RAB3B: variants seen among roughly 807,000 people sequenced by gnomAD.
The protein encoded by RAB3B is ras-related protein Rab-3B.
A neutral mutation model predicts 20.5 loss-of-function variants in RAB3B; 11 were observed. That is an observed-to-expected ratio of 0.54 (90% CI 0.34 to 0.89). The LOEUF is 0.89. Ranked by LOEUF, RAB3B falls within the 40% of genes least tolerant of loss-of-function variation. The pLI is 0.02. For missense variants in RAB3B, 225 were observed against 280.9 expected, an observed-to-expected ratio of 0.80 and a Z score of 1.42; for synonymous variants, 99 against 106.3, an observed-to-expected ratio of 0.93 and a Z score of 0.42.
chr1:51,908,709 A>G lies in RAB3B; in HGVS notation c.*11218T>C, dbSNP rs1683955556. On this transcript the variant is annotated 3_prime_UTR_variant, in exon 5 of 5. Coordinates refer to ENST00000371655, the MANE Select transcript of RAB3B (RefSeq NM_002867.4). ...CCCTCTATCACCCCCAGATAGGTGA[A>G]GTTCAGAATTAGGACTGCCCACTGC... 6.6e-6 allele frequency: 1 copy of G among 151,246 alleles called. No homozygotes were observed. The highest frequency in any genetic ancestry group is 6.6e-5 in the Admixed American group (1 of 15,152). 9.4% of individuals were successfully genotyped at this position (151,246 alleles called of 1,614,324 possible).
chr1:51,976,831 T>C, intron 2 of RAB3B, 59 bp downstream of exon 2: 1 of 1,496,034 alleles, frequency 6.7e-7, no homozygotes, highest in Non-Finnish European at 9.3e-7. Flanking sequence ...CTCTAAGCCC[T>C]TGTACTGGCA....
intron 3 of RAB3B, among the ~76,000 whole-genome samples, chr1:51,936,523 A>G (rs577084111): frequency 6.6e-5 from 10 of 152,188 alleles, no homozygotes; most frequent in Non-Finnish European, 1.3e-4. Flanking sequence ...CACCTATGGG[A>G]CAGAATCCAA....
rs1557957971 is a variant in RAB3B at position 51,912,557 on chromosome 1, ATATAT to A, written c.*7365_*7369del. The stretch of plus-strand genomic sequence containing the variant: ...CCGTCTCTATTAAAAAAAAAAAAAT[ATATAT>A]ATATATATATATATATATATATATA... On this transcript the variant is annotated 3_prime_UTR_variant, in exon 5 of 5. Transcript: ENST00000371655. The A allele has an allele frequency of 3.1e-3, 67 of 21,594 alleles. 13 individuals carry two copies. Among genetic ancestry groups the A allele is most frequent in the African/African-American group, 0.014 (64 of 4,736 alleles). 1.3% of individuals were successfully genotyped at this position (21,594 alleles called of 1,614,324 possible). A position where few individuals can be genotyped will look rare whatever the true frequency, so the allele number is the denominator to read the frequency against.
chr1:51,987,603 C>T (rs867581091), intron 1 of RAB3B, among the ~76,000 whole-genome samples: 2 of 152,102 alleles, frequency 1.3e-5, no homozygotes, highest in African/African-American at 2.4e-5. Context: ...TCATTTATTA[C>T]CTATGAGACC....
chr1:51,972,007 C>A (rs1257691644), intron 2 of RAB3B, among the ~76,000 whole-genome samples: 1 of 151,948 alleles, frequency 6.6e-6, no homozygotes, highest in Non-Finnish European at 1.5e-5. Flanking sequence ...ATGGTGAAAC[C>A]CCATCTCTAC....
At chr1:51,969,374 C>T (rs1684897343) in intron 2 of RAB3B, among the ~76,000 whole-genome samples, 1 of 152,196 alleles carries the variant, frequency 6.6e-6, no homozygotes, top group African/African-American at 2.4e-5. Context: ...GAAGGCTGTC[C>T]ATGGAGACAG....
At chr1:51,940,470 A>G (rs1684475921) in intron 2 of RAB3B, among the ~76,000 whole-genome samples, 1 of 152,152 alleles carries the variant, frequency 6.6e-6, no homozygotes, top group Non-Finnish European at 1.5e-5. Flanking sequence ...TAAAAATACA[A>G]AAGTTAGCCA....
chr1:51,988,945 G>C (rs879351410), intron 1 of RAB3B, among the ~76,000 whole-genome samples: 4 of 151,682 alleles, frequency 2.6e-5, no homozygotes, highest in Non-Finnish European at 4.4e-5. Flanking sequence ...TCATGACCAG[G>C]AAGGCTTCCC....
intron 1 of RAB3B, among the ~76,000 whole-genome samples, chr1:51,977,440 A>T (rs1685025882): frequency 6.6e-6 from 1 of 152,210 alleles, no homozygotes; most frequent in Non-Finnish European, 1.5e-5. Flanking sequence ...AAAAACTAGA[A>T]TAAAAGGTGG....
chr1:51,958,074 C>G (rs1684734412), intron 2 of RAB3B, among the ~76,000 whole-genome samples: 1 of 152,186 alleles, frequency 6.6e-6, no homozygotes, highest in Admixed American at 6.5e-5. Context: ...CATGTTCTAG[C>G]TGAAGAACCT....
In RAB3B at chr1:51,967,521, C is replaced by CTTTTTTTTCTTTTTTTT. The variant is rs1684870982; in HGVS notation, c.228+9368_228+9369insAAAAAAAAGAAAAAAAA. Among the ~76,000 whole-genome samples the CTTTTTTTTCTTTTTTTT allele has an allele frequency of 8.2e-5, 3 of 36,496 alleles. 1 individual carries two copies. Among genetic ancestry groups the CTTTTTTTTCTTTTTTTT allele is most frequent in the Admixed American group, 1.3e-3 (2 of 1,576 alleles). 23.9% of individuals were successfully genotyped at this position (36,496 alleles called of 152,430 possible). ...TTCCTTTTTCTTTTCTTTTCTTTTTCTTTTTTTTTTTTTTTTTTGAGATAG... is the reference window on the plus strand; with the variant it reads ...TTCCTTTTTCTTTTCTTTTCTTTTTCTTTTTTTTCTTTTTTTTTTTTTTTTTTTTTTTTTTGAGATAG... On this transcript the variant is annotated intron_variant, in intron 2 of 4. Transcript: ENST00000371655.
At chr1:51,971,154 A>C (rs1021461158) in intron 2 of RAB3B, among the ~76,000 whole-genome samples, 1 of 151,820 alleles carries the variant, frequency 6.6e-6, no homozygotes, top group Non-Finnish European at 1.5e-5. Flanking sequence ...CCCCCTCACC[A>C]CCAGCAAACC....
chr1:51,965,646 CA>C (rs68111431), intron 2 of RAB3B, among the ~76,000 whole-genome samples: 21,408 of 115,204 alleles, frequency 0.19, 1,729 homozygotes, highest in Middle Eastern at 0.32. Context: ...GGCTCCATCT[CA>C]AAAAAAAAAA....
In RAB3B at chr1:51,913,658, G is replaced by A. The variant is rs958811797; in HGVS notation, c.*6269C>T. On this transcript the variant is annotated 3_prime_UTR_variant, in exon 5 of 5. Coordinates refer to ENST00000371655, the MANE Select transcript of RAB3B (RefSeq NM_002867.4). Reference sequence around the variant, plus strand: ...AGCTAATTTTTGTATTTTTAGTAGAGATGGGTTTTCACCATGTTGGCCAGG... The same window carrying A: ...AGCTAATTTTTGTATTTTTAGTAGAAATGGGTTTTCACCATGTTGGCCAGG... 2 of 152,140 alleles carry A rather than the reference G, an allele frequency of 1.3e-5. No homozygotes were observed. Among genetic ancestry groups the A allele is most frequent in the Non-Finnish European group, 2.9e-5 (2 of 68,068 alleles). 9.4% of individuals were successfully genotyped at this position (152,140 alleles called of 1,614,324 possible).
Position 51,912,353 on chromosome 1 carries a change from T to G in RAB3B, c.*7574A>C, listed in dbSNP as rs1684012005. On this transcript the variant is annotated 3_prime_UTR_variant, in exon 5 of 5. Transcript: ENST00000371655. The stretch of plus-strand genomic sequence containing the variant: ...TTCACCGTCTTGCCAAGGTTTGGAT[T>G]GTTTTTGTGTGAAGTAAACCTCAGT... The G allele has an allele frequency of 1.3e-5, 2 of 149,682 alleles. No individual in the cohort carries two copies. Among genetic ancestry groups the G allele is most frequent in the Admixed American group, 6.7e-5 (1 of 14,980 alleles). 9.3% of individuals were successfully genotyped at this position (149,682 alleles called of 1,614,324 possible). A position where few individuals can be genotyped will look rare whatever the true frequency, so the allele number is the denominator to read the frequency against.
rs1684144200 is a variant in RAB3B at position 51,919,786 on chromosome 1, A to G, written c.*141T>C. 2.3e-6 allele frequency: 2 copies of G among 853,866 alleles called. No homozygotes were observed. Among genetic ancestry groups the G allele is most frequent in the Admixed American group, 2.9e-5 (1 of 34,504 alleles). The allele number at this position is 853,866 out of a possible 1,614,324, so 52.9% of individuals were successfully genotyped here. Reference sequence around the variant, plus strand: ...CTGCAGAGAACCCCAGGGGCAGGCAAAGAATAGCAGCAACTCATCTTGCTC... The same window carrying G: ...CTGCAGAGAACCCCAGGGGCAGGCAGAGAATAGCAGCAACTCATCTTGCTC... On this transcript the variant is annotated 3_prime_UTR_variant, in exon 5 of 5. Coordinates refer to ENST00000371655, the MANE Select transcript of RAB3B (RefSeq NM_002867.4).
In RAB3B at chr1:51,916,748, C is replaced by A. The variant is rs1228926868; in HGVS notation, c.*3179G>T. On this transcript the variant is annotated 3_prime_UTR_variant, in exon 5 of 5. Coordinates refer to ENST00000371655, the MANE Select transcript of RAB3B (RefSeq NM_002867.4). ...ACTGGGAAGCACTGGGCATTTTCTA[C>A]CCAGGCCCATGGGATCTGTTGCCTC... 6.6e-6 allele frequency: 1 copy of A among 152,228 alleles called. No homozygotes were observed. Among genetic ancestry groups the A allele is most frequent in the African/African-American group, 2.4e-5 (1 of 41,464 alleles). The allele number at this position is 152,228 out of a possible 1,614,324, so 9.4% of individuals were successfully genotyped here.
rs945517714 is a variant in RAB3B at position 51,918,400 on chromosome 1, G to T, written c.*1527C>A. The T allele has an allele frequency of 1.3e-5, 2 of 152,232 alleles. No homozygotes were observed. Among genetic ancestry groups the T allele is most frequent in the African/African-American group, 4.8e-5 (2 of 41,440 alleles). 9.4% of individuals were successfully genotyped at this position (152,232 alleles called of 1,614,324 possible). A position where few individuals can be genotyped will look rare whatever the true frequency, so the allele number is the denominator to read the frequency against. Reference sequence around the variant, plus strand: ...AAGAACAGCAGATGGAATTATAGAGGTATTTGACCTAGAGAAAAGGCAAGT... The same window carrying T: ...AAGAACAGCAGATGGAATTATAGAGTTATTTGACCTAGAGAAAAGGCAAGT... On this transcript the variant is annotated 3_prime_UTR_variant, in exon 5 of 5. Transcript: ENST00000371655.
chr1:51,982,188 T>C (rs182544475), intron 1 of RAB3B, among the ~76,000 whole-genome samples: 165 of 152,116 alleles, frequency 1.1e-3, no homozygotes, highest in Non-Finnish European at 1.6e-3. Context: ...TAAGCTCAGG[T>C]GTGTGTATTT....
Sources: allele counts gnomAD v4.1 joint callset (sites outside exome capture counted in the v4.1 genomes callset), GRCh38; gene constraint gnomAD v4.1.1; transcripts MANE v1.5; gene names NCBI Gene and HGNC (gene_info 2026-07-23, HGNC 2026-07-21).